Variants in AGBL4 observed in about 807,000 individuals in gnomAD.
AGBL4 encodes AGBL carboxypeptidase 4, also known as cytosolic carboxypeptidase 6.
A neutral mutation model predicts 66.4 loss-of-function variants in AGBL4; 58 were observed. The ratio of observed to expected loss-of-function variants is 0.87; its 90% CI spans 0.71 to 1.09. AGBL4 has a LOEUF of 1.09. Ranked by LOEUF, AGBL4 falls within the 50% of genes least tolerant of loss-of-function variation. The pLI, the probability that AGBL4 is intolerant of heterozygous loss-of-function variation, is 0.00. For missense variants in AGBL4, 579 were observed against 631.0 expected (o/e 0.92, Z 0.88); for synonymous variants, 234 against 222.9 (o/e 1.05, Z -0.44).
chr1:49,126,687 A>G (rs1322184980), intron 4 of AGBL4, among the ~76,000 whole-genome samples: 1 of 152,158 alleles, frequency 6.6e-6, no homozygotes, highest in Non-Finnish European at 1.5e-5. Flanking sequence ...AGTCTTGGGA[A>G]ATTGGTAGTA....
In AGBL4 at chr1:48,715,035, C is replaced by T. The variant is rs118002786; in HGVS notation, c.635-51794G>A. 4.3e-4 allele frequency among the ~76,000 whole-genome samples: 65 copies of T among 152,176 alleles called. No individual in the cohort carries two copies. In the East Asian group the frequency reaches 0.01, roughly 24 times the overall value. ...AAGCAAATAAAGCAGAGGAAAAGGA[C>T]GAGAGAGTACCCTGAGGTGGGGTGG... is the stretch of plus-strand genomic sequence containing the variant. On this transcript the variant is annotated intron_variant, in intron 6 of 13. Coordinates refer to ENST00000371839, the MANE Select transcript of AGBL4 (RefSeq NM_032785.4).
intron 3 of AGBL4, among the ~76,000 whole-genome samples, chr1:49,297,432 C>T (rs963849015): frequency 1.3e-5 from 2 of 152,114 alleles, no homozygotes; most frequent in Non-Finnish European, 2.9e-5. Flanking sequence ...TTCAATACAG[C>T]TAGAATGTAG....
intron 2 of AGBL4, among the ~76,000 whole-genome samples, chr1:49,824,888 C>A (rs908736182): frequency 6.6e-6 from 1 of 152,138 alleles, no homozygotes; most frequent in African/African-American, 2.4e-5. Context: ...AATGAGGATG[C>A]ACTGAAGATT....
intron 3 of AGBL4, among the ~76,000 whole-genome samples, chr1:49,361,029 C>G (rs1247819505): frequency 1.3e-5 from 2 of 152,016 alleles, no homozygotes; most frequent in Non-Finnish European, 2.9e-5. Flanking sequence ...AACTCCTGAT[C>G]TCAGGTGATC....
At chr1:49,941,358 G>C (rs934093691) in intron 1 of AGBL4, among the ~76,000 whole-genome samples, 5 of 152,062 alleles carry the variant, frequency 3.3e-5, no homozygotes, top group African/African-American at 1.2e-4. Flanking sequence ...ATGTACAGGA[G>C]AGAATACTAC....
chr1:48,743,635 A>G (rs559352248), intron 6 of AGBL4, among the ~76,000 whole-genome samples: 86 of 152,324 alleles, frequency 5.6e-4, no homozygotes, highest in Non-Finnish European at 7.3e-4. Context: ...AAGATCAGAG[A>G]TGTGGCTACT....
intron 4 of AGBL4, among the ~76,000 whole-genome samples, chr1:49,092,532 T>A (rs1310033713): frequency 1.3e-5 from 2 of 152,166 alleles, no homozygotes; most frequent in Non-Finnish European, 2.9e-5. Flanking sequence ...CAAAAAAGAA[T>A]CATATTTTAT....
At chr1:49,483,520 A>C (rs1557982917) in intron 3 of AGBL4, among the ~76,000 whole-genome samples, 1 of 152,054 alleles carries the variant, frequency 6.6e-6, no homozygotes, top group Admixed American at 6.5e-5. Flanking sequence ...ATAGCCAATA[A>C]GTGGTGCTGG....
At chr1:48,590,752 C>T in intron 10 of AGBL4, 81 bp downstream of exon 10, 4 of 1,463,088 alleles carry the variant, frequency 2.7e-6, no homozygotes, top group South Asian at 1.4e-5. Flanking sequence ...GAGCTTAAAG[C>T]AAACTGAACT....
chr1:49,047,293 A>C (rs1408588409), intron 4 of AGBL4, among the ~76,000 whole-genome samples: 2 of 152,176 alleles, frequency 1.3e-5, no homozygotes, highest in African/African-American at 4.8e-5. Context: ...TAAGAATCTG[A>C]AAGTGCTGAG....
chr1:49,750,646 G>A (rs1651380714), intron 2 of AGBL4, among the ~76,000 whole-genome samples: 1 of 152,178 alleles, frequency 6.6e-6, no homozygotes, highest in South Asian at 2.1e-4. Context: ...GTAACTTGAT[G>A]GGAATGGCAT....
At chr1:48,856,731 C>T (rs936164092) in intron 6 of AGBL4, among the ~76,000 whole-genome samples, 43 of 152,154 alleles carry the variant, frequency 2.8e-4, no homozygotes, top group African/African-American at 1.0e-3. Context: ...GGATAAAGAA[C>T]TTTGTGAATA....
chr1:48,759,165 G>A (rs768848202), intron 6 of AGBL4: 29 of 1,614,046 alleles, frequency 1.8e-5, no homozygotes, highest in South Asian at 4.4e-5. Flanking sequence ...AGGCCTCCAC[G>A]AAGACCTCTT....
At chr1:49,129,502 C>G (rs1292970958) in intron 4 of AGBL4, among the ~76,000 whole-genome samples, 1 of 151,482 alleles carries the variant, frequency 6.6e-6, no homozygotes, top group Non-Finnish European at 1.5e-5. Context: ...TGTGATGCTC[C>G]CCTTCCTGTG....
intron 1 of AGBL4, among the ~76,000 whole-genome samples, chr1:49,948,043 A>AAT (rs1200172304): frequency 2.3e-3 from 16 of 6,914 alleles, no homozygotes; most frequent in Admixed American, 0.013. Flanking sequence ...TATACATATA[A>AAT]ATATATAAAT....
At chr1:49,606,400 T>C (rs1321395271) in intron 3 of AGBL4, among the ~76,000 whole-genome samples, 1 of 152,094 alleles carries the variant, frequency 6.6e-6, no homozygotes, top group Non-Finnish European at 1.5e-5. Flanking sequence ...GTGTGTTTCA[T>C]CTGGGTGCCT....
At chr1:49,050,395 T>C (rs1644184864) in intron 4 of AGBL4, among the ~76,000 whole-genome samples, 1 of 152,122 alleles carries the variant, frequency 6.6e-6, no homozygotes, top group African/African-American at 2.4e-5. Context: ...TGAGCTCTCC[T>C]GGATGGCAGG....
In AGBL4 at chr1:49,865,658, G is replaced by GA. The variant is rs757358334; in HGVS notation, c.35-14141dup. 2.3e-3 allele frequency among the ~76,000 whole-genome samples: 346 copies of GA among 152,128 alleles called. 2 individuals carry two copies. Among genetic ancestry groups the GA allele is most frequent in the Non-Finnish European group, 2.9e-3 (198 of 67,986 alleles). On this transcript the variant is annotated intron_variant, in intron 1 of 13. Coordinates refer to ENST00000371839, the MANE Select transcript of AGBL4 (RefSeq NM_032785.4). ...CTCAGGAAGATGAGAAAGAATCAAT[G>GA]AAAAAAACACTGAAAACTCAAAAAG...
intron 7 of AGBL4, among the ~76,000 whole-genome samples, chr1:48,662,881 C>T (rs994511147): frequency 6.6e-6 from 1 of 151,928 alleles, no homozygotes; most frequent in Non-Finnish European, 1.5e-5. Context: ...TCTTCCTCAC[C>T]ACAGCACATA....
Sources: allele counts gnomAD v4.1 joint callset (sites outside exome capture counted in the v4.1 genomes callset), GRCh38; gene constraint gnomAD v4.1.1; transcripts MANE v1.5; gene names NCBI Gene and HGNC (gene_info 2026-07-23, HGNC 2026-07-21).